The following INPP4B variants were observed in gnomAD, a reference collection of about 807,000 sequenced individuals.
INPP4B encodes inositol polyphosphate 4-phosphatase type II.
INPP4B carries 55 observed loss-of-function variants against 122.5 expected under a neutral mutation model. That is an observed-to-expected ratio of 0.45 (90% CI 0.36 to 0.56). The LOEUF is 0.56. Among genes scored for constraint, INPP4B ranks in the 20% least tolerant of loss-of-function variants. INPP4B has a pLI of 0.00. For missense variants in INPP4B, 1,000 were observed against 1,097.7 expected (o/e 0.91, Z 1.26); for synonymous variants, 403 against 388.7 (o/e 1.04, Z -0.43).
At chr4:142,804,599 T>C (rs1427069271) in intron 1 of INPP4B, among the ~76,000 whole-genome samples, 1 of 152,194 alleles carries the variant, frequency 6.6e-6, no homozygotes, top group Non-Finnish European at 1.5e-5. Context: ...TTTGCTTTAT[T>C]CTATAGCACT....
intron 2 of INPP4B, among the ~76,000 whole-genome samples, chr4:142,562,351 G>A (rs1730656095): frequency 6.6e-6 from 1 of 152,178 alleles, no homozygotes; most frequent in South Asian, 2.1e-4. Flanking sequence ...TCAATTTCCA[G>A]TCACATCAAA....
chr4:142,120,223 C>G (rs1795992775), intron 21 of INPP4B, among the ~76,000 whole-genome samples: 1 of 151,982 alleles, frequency 6.6e-6, no homozygotes, highest in Non-Finnish European at 1.5e-5. Context: ...TATGCTAATA[C>G]TACATTGTCT....
intron 2 of INPP4B, among the ~76,000 whole-genome samples, chr4:142,537,471 GATACACATAC>G (rs1326171146): frequency 1.2e-5 from 1 of 85,876 alleles, no homozygotes; most frequent in African/African-American, 4.1e-5. Flanking sequence ...GAGAGAGAGA[GATACACATAC>G]ACATACATAC....
At chr4:142,118,248 C>T (rs183854124) in intron 21 of INPP4B, among the ~76,000 whole-genome samples, 18 of 152,258 alleles carry the variant, frequency 1.2e-4, no homozygotes, top group African/African-American at 3.4e-4. Flanking sequence ...AATGCCAACC[C>T]CATCAAGCTA....
At chr4:142,823,012 C>A (rs1780984163) in intron 1 of INPP4B, among the ~76,000 whole-genome samples, 1 of 152,110 alleles carries the variant, frequency 6.6e-6, no homozygotes, top group Admixed American at 6.6e-5. Flanking sequence ...CAAAAGGTAT[C>A]TGTAATCATA....
chr4:142,816,934 A>G (rs2151139891), intron 1 of INPP4B, among the ~76,000 whole-genome samples: 1 of 152,302 alleles, frequency 6.6e-6, no homozygotes, highest in East Asian at 1.9e-4. Context: ...CCAAAACTTT[A>G]TGTCTACCTG....
chr4:142,066,259 T>C (rs1393306738), intron 25 of INPP4B, among the ~76,000 whole-genome samples: 1 of 152,226 alleles, frequency 6.6e-6, no homozygotes, highest in Non-Finnish European at 1.5e-5. Context: ...TATTTTCTTC[T>C]GAAACATCAC....
At chr4:142,538,879 AAG>A (rs1279506359) in intron 2 of INPP4B, among the ~76,000 whole-genome samples, 1 of 151,972 alleles carries the variant, frequency 6.6e-6, no homozygotes. Flanking sequence ...TGCGGTAAAA[AAG>A]AGAGAATCCA....
At chr4:142,137,581 C>A in intron 18 of INPP4B, among the ~76,000 whole-genome samples, 1 of 89,364 alleles carries the variant, frequency 1.1e-5, no homozygotes. Flanking sequence ...AAGAAACTAC[C>A]ATCAGAGTGA....
chr4:142,699,338 T>A (rs549947794), intron 2 of INPP4B, among the ~76,000 whole-genome samples: 18 of 152,302 alleles, frequency 1.2e-4, no homozygotes, highest in African/African-American at 4.3e-4. Flanking sequence ...TCCATTCTTA[T>A]CCAGCTTAAA....
rs560511028 is a variant in INPP4B, at chr4:142,302,339, T to C, written c.503+3119A>G. On this transcript the variant is annotated intron_variant, in intron 9 of 25. Transcript: ENST00000262992. ...TGGTTCTGGGCCTGAGTCCTTGCTT[T>C]GCTCTGCCATTAGTAAGGTATGTGA... 1.3e-4 allele frequency among the ~76,000 whole-genome samples: 20 copies of C among 152,260 alleles called. No individual in the cohort carries two copies. In the South Asian group the frequency reaches 4.1e-3, roughly 32 times the overall value.
chr4:142,125,540 A>G (rs967070434), intron 18 of INPP4B, among the ~76,000 whole-genome samples: 1 of 152,004 alleles, frequency 6.6e-6, no homozygotes, highest in Non-Finnish European at 1.5e-5. Context: ...TCTCATCTCA[A>G]TGTCTTTGAA....
intron 11 of INPP4B, among the ~76,000 whole-genome samples, chr4:142,242,734 C>G (rs1281863061): frequency 6.6e-6 from 1 of 152,156 alleles, no homozygotes; most frequent in Non-Finnish European, 1.5e-5. Flanking sequence ...CTCCAGGAAG[C>G]CTTCTTCAGT....
Position 142,483,507 on chromosome 4 carries a change from C to T in INPP4B, c.-190-20781G>A, listed in dbSNP as rs184375167. ...GGTTTTCATTTTTGCATCATAGTTT[C>T]TCTAGGTCTTAGTCAATTGTGTAAA... is the stretch of plus-strand genomic sequence containing the variant. On this transcript the variant is annotated intron_variant, in intron 2 of 25. Transcript: ENST00000262992. 1.4e-3 allele frequency among the ~76,000 whole-genome samples: 219 copies of T among 152,044 alleles called. 1 individual carries two copies. Among genetic ancestry groups the T allele is most frequent in the Admixed American group, 2.7e-3 (41 of 15,240 alleles).
intron 2 of INPP4B, among the ~76,000 whole-genome samples, chr4:142,642,192 A>G (rs1197360349): frequency 6.6e-6 from 1 of 152,160 alleles, no homozygotes; most frequent in African/African-American, 2.4e-5. Flanking sequence ...AGTAGATTGC[A>G]AAAATTTTCT....
At chr4:142,827,095 C>T (rs533023543) in intron 1 of INPP4B, among the ~76,000 whole-genome samples, 10 of 152,260 alleles carry the variant, frequency 6.6e-5, no homozygotes, top group East Asian at 1.9e-4. Context: ...TTTGGAAAGC[C>T]GCAAGTGCTT....
intron 7 of INPP4B, among the ~76,000 whole-genome samples, chr4:142,399,004 C>T (rs1277308278): frequency 6.6e-6 from 1 of 151,938 alleles, no homozygotes; most frequent in Admixed American, 6.6e-5. Context: ...AAATTTCTAC[C>T]ATGGGCAAAA....
chr4:142,623,969 T>G (rs574062126), intron 2 of INPP4B, among the ~76,000 whole-genome samples: 2 of 152,244 alleles, frequency 1.3e-5, no homozygotes, highest in African/African-American at 4.8e-5. Flanking sequence ...AGTCTATCAT[T>G]GTTGGACATT....
intron 23 of INPP4B, among the ~76,000 whole-genome samples, chr4:142,103,160 T>C (rs1785291128): frequency 6.6e-6 from 1 of 152,052 alleles, no homozygotes; most frequent in African/African-American, 2.4e-5. Flanking sequence ...TTCACTTTCA[T>C]CCTCATTCTT....
Sources: allele counts gnomAD v4.1 joint callset (sites outside exome capture counted in the v4.1 genomes callset), GRCh38; gene constraint gnomAD v4.1.1; transcripts MANE v1.5; gene names NCBI Gene and HGNC (gene_info 2026-07-23, HGNC 2026-07-21).